The following SMARCC1 variants were observed in gnomAD, a reference collection of about 807,000 sequenced individuals.
SMARCC1 encodes SWI/SNF related BAF chromatin remodeling complex subunit C1.
Under a neutral mutation model 147.4 loss-of-function variants are expected in SMARCC1, and 43 were observed. The observed-to-expected ratio is 0.29, with a 90% CI of 0.23 to 0.38. SMARCC1 has a LOEUF of 0.38. Ranked by LOEUF, SMARCC1 falls within the 10% of genes least tolerant of loss-of-function variation. The pLI, the probability that SMARCC1 is intolerant of heterozygous loss-of-function variation, is 1.00. For missense variants in SMARCC1, 1,119 were observed against 1,381.1 expected (o/e 0.81, Z 3.01); for synonymous variants, 495 against 484.4 (o/e 1.02, Z -0.29).
intron 11 of SMARCC1, among the ~76,000 whole-genome samples, chr3:47,697,486 G>A (rs2033867780): frequency 6.6e-6 from 1 of 151,428 alleles, no homozygotes; most frequent in African/African-American, 2.4e-5. Context: ...ATTTTTAGTA[G>A]AGCTCTGGTT....
At chr3:47,594,997 A>G (rs1366554145) in intron 26 of SMARCC1, among the ~76,000 whole-genome samples, 5 of 152,168 alleles carry the variant, frequency 3.3e-5, no homozygotes, top group South Asian at 2.1e-4. Flanking sequence ...GGAATGTTAC[A>G]TAAGTGGAAG....
intron 19 of SMARCC1, among the ~76,000 whole-genome samples, chr3:47,668,527 A>G (rs897288346): frequency 6.6e-6 from 1 of 152,208 alleles, no homozygotes; most frequent in African/African-American, 2.4e-5. Flanking sequence ...GGAAATGAAC[A>G]TAACCAGATA....
At chr3:47,698,767 A>G (rs1357588110) in intron 11 of SMARCC1, among the ~76,000 whole-genome samples, 2 of 152,136 alleles carry the variant, frequency 1.3e-5, no homozygotes, top group South Asian at 4.1e-4. Flanking sequence ...AATGTGAACA[A>G]AAGTTGAAGG....
chr3:47,695,521 C>T (rs1243761406), intron 11 of SMARCC1, among the ~76,000 whole-genome samples: 1 of 152,138 alleles, frequency 6.6e-6, no homozygotes. Context: ...AATCGCAGAA[C>T]TTTGGAAGGA....
intron 9 of SMARCC1, among the ~76,000 whole-genome samples, chr3:47,708,074 A>ATTTTTTTTC (rs1559650516): frequency 2.4e-5 from 1 of 41,624 alleles, no homozygotes; most frequent in Non-Finnish European, 5.6e-5. Context: ...CTGAAGTTGA[A>ATTTTTTTTC]TTTTTTTTCT....
chr3:47,755,970 A>G (rs1358422810), intron 2 of SMARCC1, among the ~76,000 whole-genome samples: 3 of 126,374 alleles, frequency 2.4e-5, no homozygotes, highest in Non-Finnish European at 4.8e-5. Context: ...AGCCCGGGTG[A>G]CAGAGCCAGG....
intron 1 of SMARCC1, among the ~76,000 whole-genome samples, chr3:47,775,838 A>C (rs1202648246): frequency 1.3e-5 from 2 of 151,720 alleles, no homozygotes; most frequent in Non-Finnish European, 2.9e-5. Context: ...CCTGCTATGT[A>C]CCCACAAAAA....
chr3:47,692,525 T>G (rs2133601), intron 12 of SMARCC1, among the ~76,000 whole-genome samples: 90,455 of 152,100 alleles, frequency 0.59, 28,176 homozygotes, highest in East Asian at 0.72. Context: ...TCCTTAAAAC[T>G]CATATTCTTA....
intron 18 of SMARCC1, among the ~76,000 whole-genome samples, chr3:47,673,121 A>G (rs1359650408): frequency 2.6e-5 from 4 of 152,048 alleles, no homozygotes; most frequent in African/African-American, 7.2e-5. Flanking sequence ...ATGGTGGTTC[A>G]TGCTTGTAAT....
intron 6 of SMARCC1, among the ~76,000 whole-genome samples, chr3:47,726,193 A>G (rs2034298669): frequency 6.6e-6 from 1 of 151,814 alleles, no homozygotes; most frequent in Non-Finnish European, 1.5e-5. Flanking sequence ...CAGGAGTTCA[A>G]CACCAGCCTA....
chr3:47,736,586 G>A (rs1338159204), intron 4 of SMARCC1, among the ~76,000 whole-genome samples: 1 of 152,032 alleles, frequency 6.6e-6, no homozygotes, highest in Admixed American at 6.6e-5. Context: ...TGAGGCAGGA[G>A]AATGGCGTGA....
intron 24 of SMARCC1, among the ~76,000 whole-genome samples, chr3:47,626,600 T>C (rs746552449): frequency 1.6e-4 from 25 of 152,174 alleles, no homozygotes; most frequent in African/African-American, 5.6e-4. Context: ...TTTGGAATAA[T>C]TGATACTTGA....
At chr3:47,641,225 G>A (rs1340842305) in intron 21 of SMARCC1, among the ~76,000 whole-genome samples, 4 of 152,234 alleles carry the variant, frequency 2.6e-5, no homozygotes, top group African/African-American at 9.6e-5. Flanking sequence ...GGTGGCTCAT[G>A]CCTGTAATCC....
chr3:47,668,050 C>T (rs567379966), intron 19 of SMARCC1, among the ~76,000 whole-genome samples: 16 of 152,056 alleles, frequency 1.1e-4, no homozygotes, highest in African/African-American at 3.4e-4. Context: ...TATATAGATA[C>T]GCATGTACAT....
chr3:47,733,880 AAG>A (rs1292849726), intron 5 of SMARCC1, among the ~76,000 whole-genome samples: 31 of 150,950 alleles, frequency 2.1e-4, no homozygotes, highest in African/African-American at 7.0e-4. Context: ...AAAAAAAAAA[AAG>A]GTATATATAC....
chr3:47,660,671 A>G lies in SMARCC1; in HGVS notation c.2320+623T>C, dbSNP rs2033333774. 2.0e-5 allele frequency among the ~76,000 whole-genome samples: 3 copies of G among 152,296 alleles called. No homozygotes were observed. In the South Asian group the frequency reaches 6.2e-4, roughly 32 times the overall value. On this transcript the variant is annotated intron_variant, in intron 21 of 27. Coordinates refer to ENST00000254480, the MANE Select transcript of SMARCC1 (RefSeq NM_003074.4). ...TCTGTTTATATTAAATGTCCAGAAT[A>G]GGCAAACCCATAGAGACAGAAAGCA...
intron 11 of SMARCC1, among the ~76,000 whole-genome samples, chr3:47,696,619 A>T (rs1277719679): frequency 6.6e-6 from 1 of 151,496 alleles, no homozygotes. Context: ...CCCGAGTTCA[A>T]GTGATTCTCC....
chr3:47,701,686 C>A, intron 10 of SMARCC1: 1 of 314,166 alleles, frequency 3.2e-6, no homozygotes, highest in Non-Finnish European at 6.0e-6. Context: ...TGGTGGCAGG[C>A]GCCTGTAATC....
In SMARCC1 at chr3:47,675,415, T is replaced by C. The variant is rs936214535; in HGVS notation, c.1839+60A>G. The C allele has an allele frequency of 9.1e-6, 7 of 767,600 alleles. No homozygotes were observed. In the African/African-American group the frequency reaches 1.2e-4, roughly 13 times the overall value. 47.5% of individuals were successfully genotyped at this position (767,600 alleles called of 1,614,324 possible). On this transcript the variant is annotated intron_variant, in intron 18 of 27. Coordinates refer to ENST00000254480, the MANE Select transcript of SMARCC1 (RefSeq NM_003074.4). ...AGATTTGAGTAGAAAGCTCATTAGA[T>C]GTATCTTAGAAGGACTAAGATGTGC...
Sources: gnomAD v4.1 joint callset for allele counts (sites outside exome capture counted in the v4.1 genomes callset) on GRCh38, gnomAD v4.1.1 for gene constraint, MANE v1.5 for transcripts, NCBI Gene and HGNC (gene_info 2026-07-23, HGNC 2026-07-21) for gene names.